Variants in SPN observed in about 807,000 individuals in gnomAD.
The protein encoded by SPN is sialophorin.
A neutral mutation model predicts 8.4 loss-of-function variants in SPN; 6 were observed. That is an observed-to-expected ratio of 0.72 (90% CI 0.39 to 1.42). The LOEUF (loss-of-function observed/expected upper bound fraction) is 1.42, where lower values mean the gene tolerates loss of function less well. SPN is among the 40% of genes most tolerant of loss of function. SPN has a pLI of 0.02. For synonymous variants in SPN, 201 were observed against 222.6 expected (o/e 0.90, Z 0.86); for missense variants, 517 against 530.6 (o/e 0.97, Z 0.25).
Position 29,664,286 on chromosome 16 carries a change from T to C in SPN, c.558T>C (p.Pro186=). 1 of 1,614,036 alleles carries C rather than the reference T, an allele frequency of 6.2e-7. No individual in the cohort carries two copies. Among genetic ancestry groups the C allele is most frequent in the Non-Finnish European group, 8.5e-7 (1 of 1,179,966 alleles). ...CTTCCAAAGGCACCTCTGGACCCCC[T>C]GTTACCATGGCAACTGACTCTCTGG... ...LETSKGTSGP[P]VTMATDSLET... The change falls in exon 2 of 2, where the codon CCT becomes CCC. Residue 186 remains proline, a synonymous_variant. Coordinates refer to ENST00000652691, the MANE Select transcript of SPN (RefSeq NM_003123.6). This position sits in a 1 kb window ranked among gnomAD's most constrained non-coding sequence, Gnocchi z 6.4.
rs1567321547 is a variant in SPN, at chr16:29,666,568, G to GCT, written c.*1641_*1642dup. Reference sequence around the variant, plus strand: ...CACACACACACGCGCGCGCGCGCGCGCTCTCCTGCGAACAGAGGCAGGGGG... The same window carrying GCT: ...CACACACACACGCGCGCGCGCGCGCGCTCTCTCCTGCGAACAGAGGCAGGGGG... On this transcript the variant is annotated 3_prime_UTR_variant, in exon 2 of 2. Transcript: ENST00000652691. 4.6e-5 allele frequency: 11 copies of GCT among 239,268 alleles called. No homozygotes were observed. Among genetic ancestry groups the GCT allele is most frequent in the Non-Finnish European group, 8.9e-5 (10 of 112,110 alleles). The allele number at this position is 239,268 out of a possible 1,614,324, so 14.8% of individuals were successfully genotyped here.
chr16:29,667,112 C>T lies in SPN; in HGVS notation c.*2181C>T, dbSNP rs1239955004. On this transcript the variant is annotated 3_prime_UTR_variant, in exon 2 of 2. Transcript: ENST00000652691. ...CTTAGTGGGTGGGAAGAGCTGAGCT[C>T]GGATGGAACCAGCTTCTACCAGCCA... is the stretch of plus-strand genomic sequence containing the variant. The T allele has an allele frequency of 1.1e-5, 5 of 448,324 alleles. No homozygotes were observed. The highest frequency in any genetic ancestry group is 6.1e-5 in the African/African-American group (3 of 49,546). The allele number at this position is 448,324 out of a possible 1,614,324, so 27.8% of individuals were successfully genotyped here. A position where few individuals can be genotyped will look rare whatever the true frequency, so the allele number is the denominator to read the frequency against.
At position 29,663,807 on chromosome 16, in the gene SPN, C is replaced by T. The variant is rs1966765353; in HGVS notation, c.79C>T (p.Pro27Ser). Reference sequence around the variant, plus strand: ...GGGGAGCACAACAGCAGTGCAGACACCCACCTCCGGAGAGCCTTTGGTCTC... The same window carrying T: ...GGGGAGCACAACAGCAGTGCAGACATCCACCTCCGGAGAGCCTTTGGTCTC... Reference protein sequence around the residue: ...ALGSTTAVQTPTSGEPLVSTS... With the variant: ...ALGSTTAVQTSTSGEPLVSTS... The change falls in exon 2 of 2, where the codon CCC becomes TCC. Residue 27 changes from proline (P) to serine (S), a missense_variant. By Grantham distance (74) the Pro-to-Ser change is moderately conservative. Transcript: ENST00000652691. This position sits in a 1 kb window ranked among gnomAD's most constrained non-coding sequence, Gnocchi z 4.3. The T allele has an allele frequency of 1.2e-6, 2 of 1,613,792 alleles. No individual in the cohort carries two copies. Among genetic ancestry groups the T allele is most frequent in the African/African-American group, 2.7e-5 (2 of 74,904 alleles).
Position 29,666,564 on chromosome 16 carries a change from G to GCGCGCGCGCGCT in SPN, c.*1638_*1639insGCGCGCTCGCGC, listed in dbSNP as rs1486543981. On this transcript the variant is annotated 3_prime_UTR_variant, in exon 2 of 2. Coordinates refer to ENST00000652691, the MANE Select transcript of SPN (RefSeq NM_003123.6). ...CACACACACACACACGCGCGCGCGC[G>GCGCGCGCGCGCT]CGCGCTCTCCTGCGAACAGAGGCAG... is the stretch of plus-strand genomic sequence containing the variant. 4.2e-6 allele frequency: 1 copy of GCGCGCGCGCGCT among 237,522 alleles called. No individual in the cohort carries two copies. Among genetic ancestry groups the GCGCGCGCGCGCT allele is most frequent in the South Asian group, 6.7e-5 (1 of 14,830 alleles). 14.7% of individuals were successfully genotyped at this position (237,522 alleles called of 1,614,324 possible).
At position 29,670,797 on chromosome 16, in the gene SPN, G is replaced by C. The variant is rs1307321097; in HGVS notation, c.*5866G>C. On this transcript the variant is annotated 3_prime_UTR_variant, in exon 2 of 2. Coordinates refer to ENST00000652691, the MANE Select transcript of SPN (RefSeq NM_003123.6). ...TCTCCAAAGTGGTGAGTTTATGTGTGATTTTTATTTTGTTTATGCTCTTCT... is the reference window on the plus strand; with the variant it reads ...TCTCCAAAGTGGTGAGTTTATGTGTCATTTTTATTTTGTTTATGCTCTTCT... The C allele has an allele frequency of 2.2e-6, 1 of 455,358 alleles. No homozygotes were observed. The highest frequency in any genetic ancestry group is 2.4e-5 in the Admixed American group (1 of 42,418). 28.2% of individuals were successfully genotyped at this position (455,358 alleles called of 1,614,324 possible).
chr16:29,664,606 G>A lies in SPN; in HGVS notation c.878G>A (p.Gly293Asp). 1 of 1,605,252 alleles carries A rather than the reference G, an allele frequency of 6.2e-7. No homozygotes were observed. ...ACTGGGGCCCTCGTGCTGAGCAGAG[G>A]CGGCAAGCGTAACGGGGTGGTGGAC... Reference protein sequence around the residue: ...RRTGALVLSRGGKRNGVVDAW... With the variant: ...RRTGALVLSRDGKRNGVVDAW... Residue 293 changes from glycine (G) to aspartate (D), a missense_variant, in exon 2 of 2, where the codon GGC becomes GAC. Physicochemically the swap from Gly to Asp is moderately conservative, Grantham distance 94 (BLOSUM62 -1). Coordinates refer to ENST00000652691, the MANE Select transcript of SPN (RefSeq NM_003123.6). The surrounding 1 kb of genome is among the most constrained non-coding windows in gnomAD (Gnocchi z 6.4).
In SPN at chr16:29,670,209, C is replaced by G. The variant is rs1966845399; in HGVS notation, c.*5278C>G. The G allele has an allele frequency of 6.5e-6, 1 of 152,766 alleles. No homozygotes were observed. The highest frequency in any genetic ancestry group is 1.5e-5 in the Non-Finnish European group (1 of 68,758). The allele number at this position is 152,766 out of a possible 1,614,324, so 9.5% of individuals were successfully genotyped here. A position where few individuals can be genotyped will look rare whatever the true frequency, so the allele number is the denominator to read the frequency against. The stretch of plus-strand genomic sequence containing the variant: ...TGAGACTCTGTCTCAAAAGAAAGAA[C>G]ATGGCCAGGCGTGGTGGCTCACACC... On this transcript the variant is annotated 3_prime_UTR_variant, in exon 2 of 2. Transcript: ENST00000652691.
rs1317958712 is a variant in SPN at position 29,667,209 on chromosome 16, T to C, written c.*2278T>C. On this transcript the variant is annotated 3_prime_UTR_variant, in exon 2 of 2. Coordinates refer to ENST00000652691, the MANE Select transcript of SPN (RefSeq NM_003123.6). The stretch of plus-strand genomic sequence containing the variant: ...ATTTGGACTCACTGCAGCTGCAGAA[T>C]GACAGAGGCCATGTCCAAAATCCCT... 4 of 363,362 alleles carry C rather than the reference T, an allele frequency of 1.1e-5. No homozygotes were observed. Among genetic ancestry groups the C allele is most frequent in the African/African-American group, 8.6e-5 (4 of 46,644 alleles). The allele number at this position is 363,362 out of a possible 1,614,324, so 22.5% of individuals were successfully genotyped here.
At position 29,663,696 on chromosome 16, in the gene SPN, TC is replaced by T. The variant is rs766582735; in HGVS notation, c.-30del. On this transcript the variant is annotated splice_region_variant and 5_prime_UTR_variant, in exon 2 of 2. Coordinates refer to ENST00000652691, the MANE Select transcript of SPN (RefSeq NM_003123.6). The surrounding 1 kb of genome is among the most constrained non-coding windows in gnomAD (Gnocchi z 4.3). Reference sequence around the variant, plus strand: ...GCTTCTCCGGCTGCCCACCTGCAGGTCCCAGCTCTTGCTCCTGCCTGTTTGC... The same window carrying T: ...GCTTCTCCGGCTGCCCACCTGCAGGTCCAGCTCTTGCTCCTGCCTGTTTGC... The T allele has an allele frequency of 4.6e-6, 7 of 1,528,422 alleles. No homozygotes were observed. 94.7% of individuals were successfully genotyped at this position (1,528,422 alleles called of 1,614,324 possible).
Position 29,665,008 on chromosome 16 carries a change from C to T in SPN, c.*77C>T, listed in dbSNP as rs1209059831. 1 of 1,274,808 alleles carries T rather than the reference C, an allele frequency of 7.8e-7. No homozygotes were observed. The highest frequency in any genetic ancestry group is 1.0e-6 in the Non-Finnish European group (1 of 1,003,270). The allele number at this position is 1,274,808 out of a possible 1,614,324, so 79.0% of individuals were successfully genotyped here. ...CCTTCCCTCTCACCATCCCACTGCC[C>T]CCTCGCTCCCATGTTTCCACCCGGC... is the stretch of plus-strand genomic sequence containing the variant. On this transcript the variant is annotated 3_prime_UTR_variant, in exon 2 of 2. Coordinates refer to ENST00000652691, the MANE Select transcript of SPN (RefSeq NM_003123.6).
Position 29,664,538 on chromosome 16 carries a change from C to T in SPN, c.810C>T (p.Leu270=), listed in dbSNP as rs142087516. The change falls in exon 2 of 2, where the codon CTC becomes CTT. Residue 270 remains leucine, a synonymous_variant. Coordinates refer to ENST00000652691, the MANE Select transcript of SPN (RefSeq NM_003123.6). The surrounding 1 kb of genome is among the most constrained non-coding windows in gnomAD (Gnocchi z 6.4). ...TGGCCCTGCTGGCGGTCATAGTCCTCGTGGCTCTGCTCCTGCTGTGGCGCC... is the reference window on the plus strand; with the variant it reads ...TGGCCCTGCTGGCGGTCATAGTCCTTGTGGCTCTGCTCCTGCTGTGGCGCC... ...VLVALLAVIV[L]VALLLLWRRR... 14 of 1,613,740 alleles carry T rather than the reference C, an allele frequency of 8.7e-6. No individual in the cohort carries two copies. The highest frequency in any genetic ancestry group is 3.3e-5 in the Admixed American group (2 of 59,986).
rs1419220872 is a variant in SPN at position 29,670,787 on chromosome 16, G to T, written c.*5856G>T. ...TCCATGCTGATCTCCAAAGTGGTGA[G>T]TTTATGTGTGATTTTTATTTTGTTT... On this transcript the variant is annotated 3_prime_UTR_variant, in exon 2 of 2. Coordinates refer to ENST00000652691, the MANE Select transcript of SPN (RefSeq NM_003123.6). The T allele has an allele frequency of 8.8e-6, 4 of 455,706 alleles. No homozygotes were observed. The highest frequency in any genetic ancestry group is 1.8e-5 in the Non-Finnish European group (4 of 226,744). 28.2% of individuals were successfully genotyped at this position (455,706 alleles called of 1,614,324 possible).
rs146011788 is a variant in SPN, at chr16:29,663,864, A to C, written c.136A>C (p.Thr46Pro). The change falls in exon 2 of 2, where the codon ACC becomes CCC. Residue 46 changes from threonine to proline, a missense_variant. Coordinates refer to ENST00000652691, the MANE Select transcript of SPN (RefSeq NM_003123.6). This position sits in a 1 kb window ranked among gnomAD's most constrained non-coding sequence, Gnocchi z 4.3. ...TSEPLSSKMY[T>P]TSITSDPKAD... The stretch of plus-strand genomic sequence containing the variant: ...CGAGCCCCTGAGCTCAAAGATGTAC[A>C]CCACTTCAATAACAAGTGACCCTAA... 6.2e-7 allele frequency: 1 copy of C among 1,614,046 alleles called. No homozygotes were observed. Among genetic ancestry groups the C allele is most frequent in the African/African-American group, 1.3e-5 (1 of 74,998 alleles).
chr16:29,670,842 C>T lies in SPN; in HGVS notation c.*5911C>T, dbSNP rs541693292. ...TCTTCTGTATTTTCCGAATTTCATA[C>T]AATAAATATCTGTTACTTTTACAAT... is the stretch of plus-strand genomic sequence containing the variant. On this transcript the variant is annotated 3_prime_UTR_variant, in exon 2 of 2. Transcript: ENST00000652691. 3 of 453,150 alleles carry T rather than the reference C, an allele frequency of 6.6e-6. No homozygotes were observed. Among genetic ancestry groups the T allele is most frequent in the South Asian group, 4.7e-5 (3 of 63,906 alleles). 28.1% of individuals were successfully genotyped at this position (453,150 alleles called of 1,614,324 possible).
In SPN at chr16:29,670,714, A is replaced by G. The variant is rs1209116088; in HGVS notation, c.*5783A>G. On this transcript the variant is annotated 3_prime_UTR_variant, in exon 2 of 2. Coordinates refer to ENST00000652691, the MANE Select transcript of SPN (RefSeq NM_003123.6). ...TTTTAGTTTTGTAATAAAAATTCCC[A>G]ACCATATATGCACTTATAGGGAAAC... The G allele has an allele frequency of 2.2e-6, 1 of 453,628 alleles. No homozygotes were observed. Among genetic ancestry groups the G allele is most frequent in the East Asian group, 7.0e-5 (1 of 14,356 alleles). The allele number at this position is 453,628 out of a possible 1,614,324, so 28.1% of individuals were successfully genotyped here.
At position 29,664,743 on chromosome 16, in the gene SPN, C is replaced by T. The variant is rs763807172; in HGVS notation, c.1015C>T (p.Arg339Trp). ...GFPDGEGSSR[R>W]PTLTTFFGRR... The stretch of plus-strand genomic sequence containing the variant: ...CCCCGATGGGGAGGGGTCTAGCCGT[C>T]GGCCCACGCTCACCACTTTCTTTGG... The change falls in exon 2 of 2, where the codon CGG becomes TGG. Residue 339 changes from arginine to tryptophan, a missense_variant. Transcript: ENST00000652691. This position sits in a 1 kb window ranked among gnomAD's most constrained non-coding sequence, Gnocchi z 6.4. 3.4e-6 allele frequency: 5 copies of T among 1,483,646 alleles called. No individual in the cohort carries two copies. The highest frequency in any genetic ancestry group is 1.4e-5 in the African/African-American group (1 of 70,928). 91.9% of individuals were successfully genotyped at this position (1,483,646 alleles called of 1,614,324 possible). A position where few individuals can be genotyped will look rare whatever the true frequency, so the allele number is the denominator to read the frequency against.
In SPN at chr16:29,668,124, G is replaced by A. The variant is rs1440946711; in HGVS notation, c.*3193G>A. 6.0e-6 allele frequency: 1 copy of A among 167,074 alleles called. No homozygotes were observed. The allele number at this position is 167,074 out of a possible 1,614,324, so 10.3% of individuals were successfully genotyped here. A position where few individuals can be genotyped will look rare whatever the true frequency, so the allele number is the denominator to read the frequency against. ...CGAAAGGTTGGAAGGCTTCACCTGAGAGTGTGTCGTGGCCTTTGTCATATC... is the reference window on the plus strand; with the variant it reads ...CGAAAGGTTGGAAGGCTTCACCTGAAAGTGTGTCGTGGCCTTTGTCATATC... On this transcript the variant is annotated 3_prime_UTR_variant, in exon 2 of 2. Transcript: ENST00000652691.
In SPN at chr16:29,663,721, G is replaced by A. The variant is rs776145790; in HGVS notation, c.-8G>A. The A allele has an allele frequency of 3.9e-6, 6 of 1,547,842 alleles. No homozygotes were observed. The highest frequency in any genetic ancestry group is 2.8e-5 in the African/African-American group (2 of 72,720). ...TCCCAGCTCTTGCTCCTGCCTGTTT[G>A]CCTGGAAATGGCCACGCTTCTCCTT... On this transcript the variant is annotated 5_prime_UTR_variant, in exon 2 of 2. Coordinates refer to ENST00000652691, the MANE Select transcript of SPN (RefSeq NM_003123.6). The surrounding 1 kb of genome is among the most constrained non-coding windows in gnomAD (Gnocchi z 4.3).
At position 29,663,929 on chromosome 16, in the gene SPN, C is replaced by T. The variant is rs1220958161; in HGVS notation, c.201C>T (p.Pro67=). The T allele has an allele frequency of 1.2e-6, 2 of 1,613,956 alleles. No individual in the cohort carries two copies. The highest frequency in any genetic ancestry group is 1.7e-6 in the Non-Finnish European group (2 of 1,179,988). ...GGGACCAGACCTCAGCCCTACCTCC[C>T]TCAACTTCCATCAATGAGGGATCCC... ...STGDQTSALP[P]STSINEGSPL... The change falls in exon 2 of 2, where the codon CCC becomes CCT. Residue 67 remains proline, a synonymous_variant. Transcript: ENST00000652691. This position sits in a 1 kb window ranked among gnomAD's most constrained non-coding sequence, Gnocchi z 4.3.
Sources: gnomAD v4.1 joint callset for allele counts on GRCh38, gnomAD v4.1.1 for gene constraint, Gnocchi (gnomAD v3.1) non-coding constraint, MANE v1.5 for transcripts, NCBI Gene and HGNC (gene_info 2026-07-23, HGNC 2026-07-21) for gene names.